Variants in FHDC1 observed in about 807,000 individuals in gnomAD.
The protein encoded by FHDC1 is FH2 domain-containing protein 1.
Under a neutral mutation model 52.6 loss-of-function variants are expected in FHDC1, and 25 were observed. The observed-to-expected ratio is 0.48, with a 90% CI of 0.35 to 0.66. FHDC1 has a LOEUF of 0.66. Ranked by LOEUF, FHDC1 falls within the 30% of genes least tolerant of loss-of-function variation. The pLI is 0.01. For synonymous variants in FHDC1, 616 were observed against 581.5 expected, an observed-to-expected ratio of 1.06 and a Z score of -0.85; for missense variants, 1,459 against 1,452.8, an observed-to-expected ratio of 1.00 and a Z score of -0.07.
chr4:152,918,854 T>C, the FHDC1 span, among the ~76,000 whole-genome samples: 1 of 152,264 alleles, frequency 6.6e-6, no homozygotes, highest in Non-Finnish European at 1.5e-5. Context: ...TAGATTATTT[T>C]TTAAATGTAA....
intron 3 of FHDC1, 110 bp downstream of exon 3, chr4:152,953,670 T>G (rs1445547896): frequency 5.5e-6 from 5 of 904,704 alleles, no homozygotes; most frequent in Non-Finnish European, 8.8e-6. Context: ...CAAATCCTTC[T>G]TAGACGCATG....
Position 152,979,370 on chromosome 4 carries a change from G to C in FHDC1, c.*2647G>C, listed in dbSNP as rs1406026408. 1 of 152,180 alleles carries C rather than the reference G, an allele frequency of 6.6e-6. No individual in the cohort carries two copies. Among genetic ancestry groups the C allele is most frequent in the East Asian group, 1.9e-4 (1 of 5,200 alleles). The allele number at this position is 152,180 out of a possible 1,614,324, so 9.4% of individuals were successfully genotyped here. A position where few individuals can be genotyped will look rare whatever the true frequency, so the allele number is the denominator to read the frequency against. On this transcript the variant is annotated 3_prime_UTR_variant, in exon 12 of 12. Transcript: ENST00000511601. ...TCTAAAGCAAAAGCCTCACCTCAAG[G>C]GCTGCTCAGAAGAGAGCACCTTCAG...
chr4:152,952,081 T>C (rs1169067508), intron 2 of FHDC1, among the ~76,000 whole-genome samples: 1 of 152,212 alleles, frequency 6.6e-6, no homozygotes, highest in African/African-American at 2.4e-5. Flanking sequence ...GTGAAATGTA[T>C]ACAGCACAAG....
Position 152,951,200 on chromosome 4 carries a change from C to T in FHDC1, c.499-2299C>T, listed in dbSNP as rs186891931. Among the ~76,000 whole-genome samples, 380 of 152,334 alleles carry T rather than the reference C, an allele frequency of 2.5e-3. 2 individuals are homozygous for T. The highest frequency in any genetic ancestry group is 8.0e-3 in the African/African-American group (332 of 41,574). Reference sequence around the variant, plus strand: ...GTGAATGCAGAGGAAGTTCTTTGAACGTGCTGTGTAACTATATCAACATAC... The same window carrying T: ...GTGAATGCAGAGGAAGTTCTTTGAATGTGCTGTGTAACTATATCAACATAC... On this transcript the variant is annotated intron_variant, in intron 2 of 11. Transcript: ENST00000511601.
chr4:152,953,032 G>T (rs1739974579), intron 2 of FHDC1, among the ~76,000 whole-genome samples: 1 of 152,064 alleles, frequency 6.6e-6, no homozygotes, highest in Admixed American at 6.6e-5. Context: ...CCCTCGGGAG[G>T]CTGAGGCAGG....
chr4:152,954,225 G>C lies in FHDC1; in HGVS notation c.569G>C (p.Arg190Pro). 1 of 1,613,462 alleles carries C rather than the reference G, an allele frequency of 6.2e-7. No homozygotes were observed. The highest frequency in any genetic ancestry group is 2.2e-5 in the East Asian group (1 of 44,862). ...IFLKQFKKSP[R>P]SIVEDIHQGK... ...TTCATTGTCTTTTCAAGGTCTCCTC[G>C]GTCCATTGTAGAAGATATTCATCAA... Residue 190 changes from arginine (R) to proline (P), a missense_variant, in exon 4 of 12, where the codon CGG (arginine) becomes CCG (proline). Physicochemically the swap from Arg to Pro is moderately radical, Grantham distance 103. Transcript: ENST00000511601.
intron 2 of FHDC1, among the ~76,000 whole-genome samples, chr4:152,946,396 T>G (rs1730117243): frequency 6.6e-6 from 1 of 152,242 alleles, no homozygotes; most frequent in South Asian, 2.1e-4. Flanking sequence ...CCAGAATTAC[T>G]TTCAATTTTC....
intron 4 of FHDC1, 107 bp downstream of exon 4, chr4:152,954,426 C>A: frequency 1.2e-6 from 1 of 806,596 alleles, no homozygotes; most frequent in Middle Eastern, 2.4e-4. Flanking sequence ...GTGGCTCACA[C>A]CTGTAATCCC....
Position 152,976,716 on chromosome 4 carries a change from G to A in FHDC1, c.3425G>A (p.Arg1142Gln). The A allele has an allele frequency of 4.7e-6, 7 of 1,476,580 alleles. No homozygotes were observed. The highest frequency in any genetic ancestry group is 6.3e-6 in the Non-Finnish European group (7 of 1,111,070). The allele number at this position is 1,476,580 out of a possible 1,614,324, so 91.5% of individuals were successfully genotyped here. A position where few individuals can be genotyped will look rare whatever the true frequency, so the allele number is the denominator to read the frequency against. Residue 1142 changes from arginine (R) to glutamine (Q), a missense_variant, in exon 12 of 12, where the codon CGG becomes CAG. Around this residue, in one of 3 missense-constraint regions of FHDC1, gnomAD observed 939 missense variants for 854.5 expected, o/e 1.10. Transcript: ENST00000511601. ...CTGGGGAGAATCCTCAATCCCTTAC[G>A]GAAGTGATGGGTGCCTGTCCTCTCC... ...TTLGRILNPL[R>Q]K
chr4:152,974,953 C>G lies in FHDC1; in HGVS notation c.1662C>G (p.Phe554Leu). 1 of 1,612,560 alleles carries G rather than the reference C, an allele frequency of 6.2e-7. No homozygotes were observed. Among genetic ancestry groups the G allele is most frequent in the Non-Finnish European group, 8.5e-7 (1 of 1,179,846 alleles). ...GPSADRELLTFLESSTGSPEE... is the reference protein window; with the variant it reads ...GPSADRELLTLLESSTGSPEE... ...CTGCTGACCGGGAGCTGCTGACCTT[C>G]TTGGAGAGCTCCACCGGCAGCCCTG... The change falls in exon 12 of 12, where the codon TTC becomes TTG. Residue 554 changes from phenylalanine (F) to leucine (L), a missense_variant. Physicochemically the swap from Phe to Leu is conservative, Grantham distance 22 (BLOSUM62 0). Around this residue, in one of 3 missense-constraint regions of FHDC1, gnomAD observed 939 missense variants for 854.5 expected, o/e 1.10. Transcript: ENST00000511601.
chr4:152,944,546 G>A (rs1178406603), intron 2 of FHDC1, among the ~76,000 whole-genome samples: 4 of 152,154 alleles, frequency 2.6e-5, no homozygotes, highest in Non-Finnish European at 5.9e-5. Flanking sequence ...GCAGCTCCAT[G>A]CATTATTGAA....
intron 4 of FHDC1, among the ~76,000 whole-genome samples, chr4:152,957,114 C>T (rs1218963926): frequency 6.6e-6 from 1 of 152,098 alleles, no homozygotes; most frequent in East Asian, 1.9e-4. Flanking sequence ...GAGACAGGGC[C>T]AAATAAGAGA....
chr4:152,962,339 GTTTA>G (rs1369327871), intron 6 of FHDC1, among the ~76,000 whole-genome samples: 1 of 152,172 alleles, frequency 6.6e-6, no homozygotes, highest in African/African-American at 2.4e-5. Context: ...CTCCCAGCTT[GTTTA>G]TTTTTTATCT....
At chr4:152,972,098 C>T (rs1740654939) in intron 10 of FHDC1, among the ~76,000 whole-genome samples, 2 of 152,150 alleles carry the variant, frequency 1.3e-5, no homozygotes, top group African/African-American at 4.8e-5. Context: ...TAAAAGTGAA[C>T]ATTTTGTTAG....
At chr4:152,949,124 TAA>T (rs1739836657) in intron 2 of FHDC1, among the ~76,000 whole-genome samples, 1 of 74,696 alleles carries the variant, frequency 1.3e-5, no homozygotes, top group African/African-American at 5.1e-5. Context: ...ATAATAATAA[TAA>T]GAAGAAGAAG....
chr4:152,926,235 AC>A, the FHDC1 span, among the ~76,000 whole-genome samples: 1 of 149,942 alleles, frequency 6.7e-6, no homozygotes, highest in Non-Finnish European at 1.5e-5. Flanking sequence ...AGGGAAAAAA[AC>A]AAAACAAAAC....
intron 9 of FHDC1, among the ~76,000 whole-genome samples, chr4:152,966,184 T>A (rs1056919742): frequency 6.6e-6 from 1 of 152,202 alleles, no homozygotes; most frequent in African/African-American, 2.4e-5. Context: ...TGAAATGGCG[T>A]TTCTGGTCAG....
intron 1 of FHDC1, among the ~76,000 whole-genome samples, chr4:152,942,051 A>G (rs1365788432): frequency 2.0e-5 from 3 of 152,190 alleles, no homozygotes; most frequent in Non-Finnish European, 4.4e-5. Flanking sequence ...AATGCAACCC[A>G]CTAAAGTAAG....
the FHDC1 span, chr4:152,927,551 C>T: frequency 2.8e-5 from 43 of 1,523,034 alleles, no homozygotes; most frequent in East Asian, 1.3e-4. Flanking sequence ...GGAGAAAGTT[C>T]GAAAACCTGA....
Sources: gnomAD v4.1 joint callset for allele counts (sites outside exome capture counted in the v4.1 genomes callset) on GRCh38, gnomAD v4.1.1 for gene constraint, gnomAD v4.1.1 regional missense constraint, MANE v1.5 for transcripts, NCBI Gene and HGNC (gene_info 2026-07-23, HGNC 2026-07-21) for gene names.